SELENOF: variants seen among roughly 807,000 people sequenced by gnomAD.
SELENOF encodes the protein 15 kDa selenoprotein.
A neutral mutation model predicts 20.5 loss-of-function variants in SELENOF; 16 were observed. That is an observed-to-expected ratio of 0.78 (90% CI 0.53 to 1.19). The LOEUF (loss-of-function observed/expected upper bound fraction) is 1.19, where lower values mean the gene tolerates loss of function less well. Among genes scored for constraint, SELENOF ranks in the 50% most tolerant of loss-of-function variants. The pLI, the probability that SELENOF is intolerant of heterozygous loss-of-function variation, is 0.00. For missense variants in SELENOF, 215 were observed against 194.2 expected (o/e 1.11, Z -0.64); for synonymous variants, 78 against 74.5 (o/e 1.05, Z -0.24).
chr1:86,899,242 G>A (rs1160827073), intron 2 of SELENOF, among the ~76,000 whole-genome samples: 22 of 150,898 alleles, frequency 1.5e-4, no homozygotes, highest in Admixed American at 1.4e-3. Context: ...ACCTTTCCCC[G>A]CTTTCTATTC....
intron 2 of SELENOF, chr1:86,887,078 A>G (rs1013040282): frequency 1.4e-5 from 20 of 1,407,844 alleles, no homozygotes; most frequent in Non-Finnish European, 1.8e-5. Flanking sequence ...ATGTTTAGTG[A>G]TCTACTGGTG....
chr1:86,911,277 T>C (rs548702521), intron 1 of SELENOF, among the ~76,000 whole-genome samples: 1 of 152,248 alleles, frequency 6.6e-6, no homozygotes, highest in Admixed American at 6.5e-5. Flanking sequence ...ATTTTTGTTG[T>C]AGGGTAGGAG....
intron 2 of SELENOF, among the ~76,000 whole-genome samples, chr1:86,899,076 T>C (rs1176381253): frequency 2.0e-5 from 3 of 151,828 alleles, no homozygotes; most frequent in Non-Finnish European, 4.4e-5. Flanking sequence ...ACACAGCACA[T>C]GTTTCAGAGA....
chr1:86,897,158 T>A (rs1003952420), intron 2 of SELENOF, among the ~76,000 whole-genome samples: 1 of 151,974 alleles, frequency 6.6e-6, no homozygotes, highest in African/African-American at 2.4e-5. Flanking sequence ...ATACAAAAAA[T>A]TAGCTGGGCG....
chr1:86,880,963 T>C (rs1659052275), intron 2 of SELENOF, among the ~76,000 whole-genome samples: 2 of 152,104 alleles, frequency 1.3e-5, no homozygotes, highest in South Asian at 2.1e-4. Context: ...TTCTTAAACC[T>C]AGCCAAAAAG....
chr1:86,885,004 C>T (rs1242347914), intron 2 of SELENOF, among the ~76,000 whole-genome samples: 1 of 152,144 alleles, frequency 6.6e-6, no homozygotes, highest in African/African-American at 2.4e-5. Context: ...TATCTAACTA[C>T]CTCAGCTCTA....
At chr1:86,880,458 TA>T (rs1331769194) in intron 3 of SELENOF, among the ~76,000 whole-genome samples, 7 of 152,136 alleles carry the variant, frequency 4.6e-5, no homozygotes, top group African/African-American at 1.7e-4. Context: ...AAATTTCATA[TA>T]TTGTGTTTTT....
intron 3 of SELENOF, among the ~76,000 whole-genome samples, chr1:86,870,485 T>C (rs780400588): frequency 2.0e-5 from 3 of 152,256 alleles, no homozygotes; most frequent in Admixed American, 2.0e-4. Flanking sequence ...CAAAATACTA[T>C]GTAACACGCA....
Position 86,868,081 on chromosome 1 carries a change from G to C in SELENOF, c.338C>G (p.Pro113Arg). Residue 113 changes from proline to arginine, a missense_variant, in exon 4 of 5, where the codon CCC becomes CGC. Coordinates refer to ENST00000331835, the MANE Select transcript of SELENOF (RefSeq NM_004261.5). ...GATTTGCAGTCCTCTGAACAGTTTG[G>C]GTTTATCACTCCTAACAAAAGCTTA... ...QVQAFVRSDK[P>R]KLFRGLQIKY... 6.5e-7 allele frequency: 1 copy of C among 1,531,166 alleles called. No homozygotes were observed. Among genetic ancestry groups the C allele is most frequent in the Non-Finnish European group, 8.9e-7 (1 of 1,127,240 alleles). 94.8% of individuals were successfully genotyped at this position (1,531,166 alleles called of 1,614,324 possible). A position where few individuals can be genotyped will look rare whatever the true frequency, so the allele number is the denominator to read the frequency against.
intron 3 of SELENOF, among the ~76,000 whole-genome samples, chr1:86,871,528 G>A (rs1032911739): frequency 1.3e-5 from 2 of 152,106 alleles, no homozygotes. Flanking sequence ...ATGTTTTACT[G>A]AAGAAAGTAA....
intron 2 of SELENOF, chr1:86,887,054 T>C (rs1057159265): frequency 1.6e-6 from 2 of 1,259,148 alleles, no homozygotes; most frequent in Admixed American, 3.8e-5. Flanking sequence ...AGGGAAAATA[T>C]TATCACCTAA....
At chr1:86,907,600 C>T (rs1659863093) in intron 1 of SELENOF, among the ~76,000 whole-genome samples, 1 of 152,112 alleles carries the variant, frequency 6.6e-6, no homozygotes, top group Non-Finnish European at 1.5e-5. Context: ...ATTAATTAGC[C>T]ACACTTGTAA....
At chr1:86,884,355 AC>A (rs1659157813) in intron 2 of SELENOF, among the ~76,000 whole-genome samples, 1 of 144,830 alleles carries the variant, frequency 6.9e-6, no homozygotes, top group Admixed American at 6.8e-5. Context: ...ATACACACAC[AC>A]ACACACACAC....
chr1:86,866,597 TA>T (rs1334592135), intron 4 of SELENOF, among the ~76,000 whole-genome samples: 2 of 152,064 alleles, frequency 1.3e-5, no homozygotes, highest in East Asian at 1.9e-4. Context: ...TAAAATTGGT[TA>T]AGATTGTACA....
chr1:86,868,645 G>A (rs1012624189), intron 3 of SELENOF, among the ~76,000 whole-genome samples: 24 of 151,882 alleles, frequency 1.6e-4, no homozygotes, highest in African/African-American at 4.8e-4. Context: ...TGAGAAAGGT[G>A]CCAAACTGTT....
chr1:86,890,704 C>T (rs529292804), intron 2 of SELENOF, among the ~76,000 whole-genome samples: 48 of 151,384 alleles, frequency 3.2e-4, no homozygotes, highest in African/African-American at 1.2e-3. Context: ...CTTGGTCTTG[C>T]CATTTTGCCC....
chr1:86,868,487 A>C (rs191068930), intron 3 of SELENOF, among the ~76,000 whole-genome samples: 22 of 152,300 alleles, frequency 1.4e-4, no homozygotes, highest in Non-Finnish European at 1.0e-4. Context: ...AAAGAATAGA[A>C]TAGGAAATTA....
At chr1:86,879,490 T>C (rs1659007802) in intron 3 of SELENOF, among the ~76,000 whole-genome samples, 1 of 152,216 alleles carries the variant, frequency 6.6e-6, no homozygotes, top group Admixed American at 6.5e-5. Context: ...TGATCAATAT[T>C]TTATTATAAA....
At chr1:86,900,273 G>A (rs1410040005) in intron 2 of SELENOF, among the ~76,000 whole-genome samples, 5 of 151,940 alleles carry the variant, frequency 3.3e-5, no homozygotes, top group Admixed American at 6.6e-5. Flanking sequence ...CCGAGATCAC[G>A]CCACTGCACT....
Sources: allele counts gnomAD v4.1 joint callset (sites outside exome capture counted in the v4.1 genomes callset), GRCh38; gene constraint gnomAD v4.1.1; transcripts MANE v1.5; gene names NCBI Gene and HGNC (gene_info 2026-07-23, HGNC 2026-07-21).